The following COL1A1 variants were observed in gnomAD, a reference collection of about 807,000 sequenced individuals.
COL1A1 encodes the protein collagen alpha-1(I) chain.
In COL1A1, 21 loss-of-function variants were observed where a neutral mutation model predicts 195.7. That is an observed-to-expected ratio of 0.11 (90% CI 0.08 to 0.15). The LOEUF (loss-of-function observed/expected upper bound fraction) is 0.15, where lower values mean the gene tolerates loss of function less well. Ranked by LOEUF, COL1A1 falls within the 10% of genes least tolerant of loss-of-function variation. The pLI is 1.00. For missense variants in COL1A1, 1,365 were observed against 2,051.0 expected, an observed-to-expected ratio of 0.67 and a Z score of 6.46; for synonymous variants, 749 against 747.3, an observed-to-expected ratio of 1.00 and a Z score of -0.04.
chr17:50,199,989 A>G (rs1907943633), intron 1 of COL1A1, 42 bp from the exon 2 acceptor site: 1 of 1,598,846 alleles, frequency 6.3e-7, no homozygotes, highest in Non-Finnish European at 8.6e-7. Context: ...AGTGACTGCA[A>G]CCCCCAGCTT....
chr17:50,188,684 C>A lies in COL1A1; in HGVS notation c.3100-47G>T. ...TATGGGTCAGCCCCGGGTGAAGGGCCAGGATGGGGCAGGGAAGCAGCAGAC... is the reference window on the plus strand; with the variant it reads ...TATGGGTCAGCCCCGGGTGAAGGGCAAGGATGGGGCAGGGAAGCAGCAGAC... On this transcript the variant is annotated intron_variant, in intron 42 of 50. Transcript: ENST00000225964. The surrounding 1 kb of genome is among the most constrained non-coding windows in gnomAD (Gnocchi z 5.6). 6.2e-7 allele frequency: 1 copy of A among 1,613,072 alleles called. No homozygotes were observed. Among genetic ancestry groups the A allele is most frequent in the Non-Finnish European group, 8.5e-7 (1 of 1,179,190 alleles).
chr17:50,195,809 G>A lies in COL1A1; in HGVS notation c.1056+114C>T, dbSNP rs1015230975. ...GAGACGGAGAACCCAGGACAAAGGTGTTAGTGAACGGGCTGCTCTCTTGCC... is the reference window on the plus strand; with the variant it reads ...GAGACGGAGAACCCAGGACAAAGGTATTAGTGAACGGGCTGCTCTCTTGCC... On this transcript the variant is annotated intron_variant, in intron 16 of 50. Transcript: ENST00000225964. This position sits in a 1 kb window ranked among gnomAD's most constrained non-coding sequence, Gnocchi z 4.3. 1.5e-5 allele frequency: 21 copies of A among 1,366,330 alleles called. No homozygotes were observed. The African/African-American group carries it at 2.6e-4, about 17-fold the overall frequency. The allele number at this position is 1,366,330 out of a possible 1,614,324, so 84.6% of individuals were successfully genotyped here. A position where few individuals can be genotyped will look rare whatever the true frequency, so the allele number is the denominator to read the frequency against.
chr17:50,186,422 C>T lies in COL1A1; in HGVS notation c.3900G>A (p.Val1300=), dbSNP rs1337482864. ...FCNMETGETC[V]YPTQPSVAQK... is the part of the protein sequence containing the mutation. ...GGGCCACACTGGGCTGAGTGGGGTA[C>T]ACGCAGGTCTCACCAGTCTCCATGT... is the stretch of plus-strand genomic sequence containing the variant. Residue 1300 remains valine (V), a synonymous_variant, in exon 49 of 51, where the codon GTG becomes GTA. Transcript: ENST00000225964. This position sits in a 1 kb window ranked among gnomAD's most constrained non-coding sequence, Gnocchi z 5.3. The T allele has an allele frequency of 4.3e-6, 7 of 1,614,216 alleles. No individual in the cohort carries two copies. Among genetic ancestry groups the T allele is most frequent in the South Asian group, 1.1e-5 (1 of 91,088 alleles).
Position 50,198,143 on chromosome 17 carries a change from G to A in COL1A1, c.588+18C>T, listed in dbSNP as rs1907760218. On this transcript the variant is annotated intron_variant, in intron 7 of 50. Transcript: ENST00000225964. ...ACCAAAGCCCAAGGAGGCATATGAA[G>A]ACGTCCTGGATACTCACAGGTGCAC... 1 of 1,613,978 alleles carries A rather than the reference G, an allele frequency of 6.2e-7. No homozygotes were observed. Among genetic ancestry groups the A allele is most frequent in the Non-Finnish European group, 8.5e-7 (1 of 1,179,992 alleles).
rs534473543 is a variant in COL1A1 at position 50,201,590 on chromosome 17, G to T, written c.-77C>A. ...CCGCTCATGCGTGGCCTCACACTCC[G>T]CGTGCCTCCTGCTCCGACCCCGAGG... On this transcript the variant is annotated 5_prime_UTR_variant, in exon 1 of 51. Coordinates refer to ENST00000225964, the MANE Select transcript of COL1A1 (RefSeq NM_000088.4). 167 of 1,334,074 alleles carry T rather than the reference G, an allele frequency of 1.3e-4. No individual in the cohort carries two copies. The Middle Eastern group carries it at 2.1e-3, about 17-fold the overall frequency. 82.6% of individuals were successfully genotyped at this position (1,334,074 alleles called of 1,614,324 possible). A position where few individuals can be genotyped will look rare whatever the true frequency, so the allele number is the denominator to read the frequency against.
Position 50,197,193 on chromosome 17 carries a change from G to A in COL1A1, c.737C>T (p.Pro246Leu), listed in dbSNP as rs770877546. 1.9e-6 allele frequency: 3 copies of A among 1,613,598 alleles called. No individual in the cohort carries two copies. The East Asian group carries it at 6.7e-5, about 36-fold the overall frequency. Reference sequence around the variant, plus strand: ...CCCCCTGCTCACCTGAGGCCCAGGAGGCCCACGCTCACCAGGACGACCAGG... The same window carrying A: ...CCCCCTGCTCACCTGAGGCCCAGGAAGCCCACGCTCACCAGGACGACCAGG... ...GKPGRPGERG[P>L]PGPQGARGLP... The change falls in exon 10 of 51, where the codon CCT becomes CTT. Residue 246 changes from proline to leucine, a missense_variant. Around this residue, in one of 5 missense-constraint regions of COL1A1, gnomAD observed 226 missense variants for 372.9 expected, o/e 0.61. Coordinates refer to ENST00000225964, the MANE Select transcript of COL1A1 (RefSeq NM_000088.4).
In COL1A1 at chr17:50,199,597, G is replaced by T. The variant is rs752528897; in HGVS notation, c.299-7C>A. 1 of 1,613,994 alleles carries T rather than the reference G, an allele frequency of 6.2e-7. No individual in the cohort carries two copies. The highest frequency in any genetic ancestry group is 8.5e-7 in the Non-Finnish European group (1 of 1,179,990). On this transcript the variant is annotated splice_polypyrimidine_tract_variant and splice_region_variant and intron_variant, in intron 2 of 50. Transcript: ENST00000225964. ...TCTTGGTCGGTGGGTGACTCTAGGG[G>T]ACGAAGAGACGCGCGTTAGAGCCAA...
chr17:50,200,130 C>T (rs960841898), intron 1 of COL1A1, 183 bp from the exon 2 acceptor site: 2 of 686,696 alleles, frequency 2.9e-6, no homozygotes, highest in East Asian at 5.4e-5. Context: ...CGCCGAGGCG[C>T]CTGGCCAGGG....
At chr17:50,198,678 A>G in intron 5 of COL1A1, 174 bp from the exon 6 acceptor site, 1 of 649,938 alleles carries the variant, frequency 1.5e-6, no homozygotes, top group Non-Finnish European at 2.8e-6. Context: ...CTAATGAGAC[A>G]ATCCCAAATT....
At chr17:50,192,890 C>T in intron 26 of COL1A1, 40 bp from the exon 27 acceptor site, 2 of 1,613,462 alleles carry the variant, frequency 1.2e-6, no homozygotes, top group Non-Finnish European at 1.7e-6. Context: ...GGTTAGGAGG[C>T]CCCGAGCAGC....
chr17:50,188,232 A>ATC lies in COL1A1; in HGVS notation c.3208-85_3208-84dup, dbSNP rs1471915933. 2.3e-6 allele frequency: 3 copies of ATC among 1,291,470 alleles called. No homozygotes were observed. The highest frequency in any genetic ancestry group is 1.5e-5 in the South Asian group (1 of 68,318). 80.0% of individuals were successfully genotyped at this position (1,291,470 alleles called of 1,614,324 possible). On this transcript the variant is annotated intron_variant, in intron 43 of 50. Transcript: ENST00000225964. The surrounding 1 kb of genome is among the most constrained non-coding windows in gnomAD (Gnocchi z 5.6). The stretch of plus-strand genomic sequence containing the variant: ...CAGGATGAGGCCTCCCCTCTGCTGG[A>ATC]TCTCTCTCTCCTCAGCTGCTTCCCA...
In COL1A1 at chr17:50,199,289, T is replaced by C. The variant is rs533127847; in HGVS notation, c.408A>G (p.Gly136=). 2.7e-5 allele frequency: 42 copies of C among 1,534,440 alleles called. No homozygotes were observed. In the East Asian group the frequency reaches 9.3e-4, roughly 34 times the overall value. The change falls in exon 5 of 51, where the codon GGA becomes GGG. Residue 136 remains glycine, a synonymous_variant. Transcript: ENST00000225964. ...CGGGGGGTCCGGGAAGTCCAGGCTGTCCAGGGATGCCATCTCGGCCAGGGG... is the reference window on the plus strand; with the variant it reads ...CGGGGGGTCCGGGAAGTCCAGGCTGCCCAGGGATGCCATCTCGGCCAGGGG... ...AGPPGRDGIP[G]QPGLPGPPGP...
chr17:50,190,412 C>A lies in COL1A1; in HGVS notation c.2398-32G>T. On this transcript the variant is annotated intron_variant, in intron 34 of 50. Coordinates refer to ENST00000225964, the MANE Select transcript of COL1A1 (RefSeq NM_000088.4). This position sits in a 1 kb window ranked among gnomAD's most constrained non-coding sequence, Gnocchi z 4.7. ...GAAAAGGAGTCAGATTGGAGAGATGCGCTGACAGGAGGGAAGGCGGGGATG... is the reference window on the plus strand; with the variant it reads ...GAAAAGGAGTCAGATTGGAGAGATGAGCTGACAGGAGGGAAGGCGGGGATG... 4 of 1,601,906 alleles carry A rather than the reference C, an allele frequency of 2.5e-6. No homozygotes were observed. The African/African-American group carries it at 4.0e-5, about 16-fold the overall frequency.
intron 27 of COL1A1, 46 bp downstream of exon 27, chr17:50,192,751 G>A: frequency 6.2e-7 from 1 of 1,613,926 alleles, no homozygotes; most frequent in East Asian, 2.2e-5. Context: ...GGCTGAGGGT[G>A]TCTCCCCTTT....
chr17:50,187,744 C>T, intron 45 of COL1A1, 132 bp downstream of exon 45: 1 of 1,004,624 alleles, frequency 1.0e-6, no homozygotes, highest in Non-Finnish European at 1.5e-6. Flanking sequence ...TGGACATGCC[C>T]ACAAATCTTC....
Position 50,186,971 on chromosome 17 carries a change from G to C in COL1A1, c.3531+44C>G, listed in dbSNP as rs888537661. 6.2e-7 allele frequency: 1 copy of C among 1,611,044 alleles called. No homozygotes were observed. The highest frequency in any genetic ancestry group is 1.7e-5 in the Admixed American group (1 of 59,560). ...GGGATTACCGGCATCCAAGTGCTTT[G>C]GGGGCTGGAGGGCCATGAGCAGAGG... On this transcript the variant is annotated intron_variant, in intron 47 of 50. Coordinates refer to ENST00000225964, the MANE Select transcript of COL1A1 (RefSeq NM_000088.4). The surrounding 1 kb of genome is among the most constrained non-coding windows in gnomAD (Gnocchi z 5.3).
rs1906779528 is a variant in COL1A1, at chr17:50,188,667, A to G, written c.3100-30T>C. On this transcript the variant is annotated intron_variant, in intron 42 of 50. Coordinates refer to ENST00000225964, the MANE Select transcript of COL1A1 (RefSeq NM_000088.4). This position sits in a 1 kb window ranked among gnomAD's most constrained non-coding sequence, Gnocchi z 5.6. Reference sequence around the variant, plus strand: ...CGGGGAGAGCAGGGGAATATGGGTCAGCCCCGGGTGAAGGGCCAGGATGGG... The same window carrying G: ...CGGGGAGAGCAGGGGAATATGGGTCGGCCCCGGGTGAAGGGCCAGGATGGG... 1.2e-6 allele frequency: 2 copies of G among 1,613,100 alleles called. No individual in the cohort carries two copies. The highest frequency in any genetic ancestry group is 2.2e-5 in the South Asian group (2 of 91,060).
At chr17:50,196,454 T>C (rs1907599483) in intron 13 of COL1A1, 30 bp downstream of exon 13, 14 of 1,613,958 alleles carry the variant, frequency 8.7e-6, no homozygotes, top group Non-Finnish European at 1.2e-5. Context: ...TCCTGCCCCA[T>C]CCCTGCCCTC....
Position 50,198,524 on chromosome 17 carries a change from T to G in COL1A1, c.472-20A>C. Reference sequence around the variant, plus strand: ...AAAGTTCTAGAACAAACAAGAGAAGTCAGAGTGAGGACAGTGAATTGAAAG... The same window carrying G: ...AAAGTTCTAGAACAAACAAGAGAAGGCAGAGTGAGGACAGTGAATTGAAAG... On this transcript the variant is annotated intron_variant, in intron 5 of 50. Transcript: ENST00000225964. 1.2e-6 allele frequency: 2 copies of G among 1,602,074 alleles called. No individual in the cohort carries two copies. The highest frequency in any genetic ancestry group is 1.1e-5 in the South Asian group (1 of 89,140).
Sources: gnomAD v4.1 joint callset for allele counts on GRCh38, gnomAD v4.1.1 for gene constraint, gnomAD v4.1.1 regional missense constraint, Gnocchi (gnomAD v3.1) non-coding constraint, MANE v1.5 for transcripts, NCBI Gene and HGNC (gene_info 2026-07-23, HGNC 2026-07-21) for gene names.